Variants in EYS observed in about 807,000 individuals in gnomAD.
EYS encodes protein eyes shut homolog.
Under a neutral mutation model 282.1 loss-of-function variants are expected in EYS, and 250 were observed. The observed-to-expected ratio is 0.89, with a 90% CI of 0.80 to 0.98. The LOEUF is 0.98. Ranked by LOEUF, EYS falls within the 50% of genes least tolerant of loss-of-function variation. The pLI is 0.00. For synonymous variants in EYS, 1,355 were observed against 1,282.9 expected, an observed-to-expected ratio of 1.06 and a Z score of -1.20; for missense variants, 4,016 against 3,709.0, an observed-to-expected ratio of 1.08 and a Z score of -2.15.
At chr6:64,221,119 G>A (rs1339507524) in intron 31 of EYS, among the ~76,000 whole-genome samples, 1 of 152,166 alleles carries the variant, frequency 6.6e-6, no homozygotes, top group East Asian at 1.9e-4. Context: ...GTTTAGGACA[G>A]TGTGTATGTA....
chr6:65,219,406 T>A (rs1766402717), intron 12 of EYS, among the ~76,000 whole-genome samples: 1 of 151,740 alleles, frequency 6.6e-6, no homozygotes, highest in East Asian at 1.9e-4. Flanking sequence ...GTGATTAAAA[T>A]ATAGTAGAGT....
chr6:64,781,515 T>C (rs1207521371), intron 22 of EYS, among the ~76,000 whole-genome samples: 1 of 149,796 alleles, frequency 6.7e-6, no homozygotes, highest in Admixed American at 6.7e-5. Flanking sequence ...AGGCGGAGTT[T>C]GCAGTGAGCC....
intron 33 of EYS, among the ~76,000 whole-genome samples, chr6:64,023,786 C>T (rs759110809): frequency 4.6e-5 from 7 of 152,150 alleles, no homozygotes; most frequent in African/African-American, 7.2e-5. Flanking sequence ...GGGACAGGCG[C>T]GGGTGGGAAC....
At chr6:64,303,870 G>A (rs9451282) in intron 30 of EYS, among the ~76,000 whole-genome samples, 103,446 of 144,546 alleles carry the variant, frequency 0.72, 37,374 homozygotes, top group African/African-American at 0.79. Context: ...AAGCCTCAGG[G>A]TAGGGTTACG....
intron 2 of EYS, among the ~76,000 whole-genome samples, chr6:65,502,909 A>T (rs1766508227): frequency 6.6e-6 from 1 of 151,652 alleles, no homozygotes; most frequent in East Asian, 1.9e-4. Context: ...AGTCACCATT[A>T]ATGTTAACCT....
chr6:64,566,661 G>A (rs1226224325), intron 26 of EYS, among the ~76,000 whole-genome samples: 2 of 152,118 alleles, frequency 1.3e-5, no homozygotes, highest in African/African-American at 2.4e-5. Flanking sequence ...AAGGCTTGAA[G>A]TTGGTGAGAA....
At chr6:65,206,107 G>A (rs532703171) in intron 12 of EYS, among the ~76,000 whole-genome samples, 2 of 151,552 alleles carry the variant, frequency 1.3e-5, no homozygotes, top group Non-Finnish European at 3.0e-5. Flanking sequence ...GTTGTTTATT[G>A]GAAAGGATAA....
chr6:65,028,259 C>T (rs1339365135), intron 13 of EYS, among the ~76,000 whole-genome samples: 1 of 151,836 alleles, frequency 6.6e-6, no homozygotes, highest in Non-Finnish European at 1.5e-5. Flanking sequence ...GGATATTTTG[C>T]TATAATTGCC....
chr6:65,457,049 T>G (rs1475411592), intron 5 of EYS, among the ~76,000 whole-genome samples: 1 of 152,164 alleles, frequency 6.6e-6, no homozygotes, highest in African/African-American at 2.4e-5. Flanking sequence ...GCTAAATAAA[T>G]CTATGCAGAT....
intron 41 of EYS, among the ~76,000 whole-genome samples, chr6:63,752,923 GT>G (rs1313742990): frequency 3.3e-5 from 5 of 151,826 alleles, no homozygotes; most frequent in Admixed American, 6.6e-5. Flanking sequence ...CCTGTTGTAT[GT>G]TATATTTTGC....
At chr6:65,661,949 G>A (rs925312234) in intron 1 of EYS, among the ~76,000 whole-genome samples, 1 of 152,062 alleles carries the variant, frequency 6.6e-6, no homozygotes, top group African/African-American at 2.4e-5. Context: ...AAAGGATGGA[G>A]AGGCAAGAAG....
chr6:65,688,164 A>G (rs1246628534), intron 1 of EYS, among the ~76,000 whole-genome samples: 3 of 152,102 alleles, frequency 2.0e-5, no homozygotes, highest in Non-Finnish European at 2.9e-5. Context: ...GAGGCATCAC[A>G]CTACCTGACT....
At position 65,491,803 on chromosome 6, in the gene EYS, A is replaced by T. The variant is rs530799508; in HGVS notation, c.749-1096T>A. On this transcript the variant is annotated intron_variant, in intron 4 of 42. Coordinates refer to ENST00000503581, the MANE Select transcript of EYS (RefSeq NM_001142800.2). Reference sequence around the variant, plus strand: ...TCCCTCAGCATCACAGAGTATCTATATTTGGAGATAATATCTTTAGAGAAG... The same window carrying T: ...TCCCTCAGCATCACAGAGTATCTATTTTTGGAGATAATATCTTTAGAGAAG... 2.6e-5 allele frequency among the ~76,000 whole-genome samples: 4 copies of T among 152,250 alleles called. No homozygotes were observed. The South Asian group carries it at 8.3e-4, about 32-fold the overall frequency.
intron 31 of EYS, among the ~76,000 whole-genome samples, chr6:64,126,914 G>A (rs995187650): frequency 8.6e-5 from 13 of 151,878 alleles, no homozygotes; most frequent in African/African-American, 2.9e-4. Context: ...TATTCCAGGT[G>A]CCTAGTCCAA....
intron 13 of EYS, among the ~76,000 whole-genome samples, chr6:65,001,141 G>A (rs1452443868): frequency 8.4e-6 from 1 of 119,036 alleles, no homozygotes; most frequent in Non-Finnish European, 2.0e-5. Context: ...ATGGCTTTAA[G>A]GGTTAACCAG....
At position 64,885,949 on chromosome 6, in the gene EYS, A is replaced by G. The variant is rs144774226; in HGVS notation, c.2992+748T>C. On this transcript the variant is annotated intron_variant, in intron 19 of 42. Transcript: ENST00000503581. The stretch of plus-strand genomic sequence containing the variant: ...TACTCATCCCTCAGGATAGAAATCC[A>G]TATGATTTTAGTGCTGCACAAATCA... Among the ~76,000 whole-genome samples, 261 of 151,996 alleles carry G rather than the reference A, an allele frequency of 1.7e-3. 1 individual carries two copies. The highest frequency in any genetic ancestry group is 6.1e-3 in the African/African-American group (252 of 41,534).
At chr6:64,604,709 G>C (rs1766869303) in intron 24 of EYS, among the ~76,000 whole-genome samples, 1 of 152,054 alleles carries the variant, frequency 6.6e-6, no homozygotes, top group Non-Finnish European at 1.5e-5. Flanking sequence ...TCTGCAGGGA[G>C]ATCTTCTAGC....
At position 64,121,600 on chromosome 6, in the gene EYS, T is replaced by G. The variant is rs114061550; in HGVS notation, c.6425-39598A>C. Reference sequence around the variant, plus strand: ...TTCTTAGTTTCCATTCACTTGTCTATACAGAAGACTTAAATTTATCTCTCT... The same window carrying G: ...TTCTTAGTTTCCATTCACTTGTCTAGACAGAAGACTTAAATTTATCTCTCT... On this transcript the variant is annotated intron_variant, in intron 31 of 42. Transcript: ENST00000503581. Among the ~76,000 whole-genome samples the G allele has an allele frequency of 4.6e-3, 704 of 152,346 alleles. 5 individuals are homozygous for G. Among genetic ancestry groups the G allele is most frequent in the African/African-American group, 0.016 (673 of 41,584 alleles).
chr6:63,778,062 G>A lies in EYS; in HGVS notation c.7842C>T (p.Cys2614=), dbSNP rs374494800. 6.4e-7 allele frequency: 1 copy of A among 1,551,638 alleles called. No homozygotes were observed. Among genetic ancestry groups the A allele is most frequent in the Non-Finnish European group, 8.7e-7 (1 of 1,146,936 alleles). The change falls in exon 40 of 43, where the codon TGC becomes TGT. Residue 2614 remains cysteine, a synonymous_variant. Transcript: ENST00000503581. ...CACCATTGCCACATTTCATTAAACT[G>A]CAGGGAGAAGCATGACACTGGCCAA... The part of the protein sequence containing the change: ...RSVGQCHASP[C]SLMKCGNGGT...
Sources: gnomAD v4.1 joint callset for allele counts (sites outside exome capture counted in the v4.1 genomes callset) on GRCh38, gnomAD v4.1.1 for gene constraint, MANE v1.5 for transcripts, NCBI Gene and HGNC (gene_info 2026-07-23, HGNC 2026-07-21) for gene names.